Variants in ZNF732 observed in about 807,000 individuals in gnomAD.
ZNF732 encodes the protein zinc finger protein 732, also known as zinc finger protein LOC654254.
Under a neutral mutation model 11.5 loss-of-function variants are expected in ZNF732, and 12 were observed. The ratio of observed to expected loss-of-function variants is 1.05; its 90% CI spans 0.67 to 1.70. The LOEUF is 1.70. Ranked by LOEUF, ZNF732 falls within the 40% of genes most tolerant of loss-of-function variation. The pLI is 0.00. For missense variants in ZNF732, 702 were observed against 676.9 expected (o/e 1.04, Z -0.41); for synonymous variants, 231 against 236.5 (o/e 0.98, Z 0.21).
chr4:288,370 G>A (rs1719774717), intron 3 of ZNF732, among the ~76,000 whole-genome samples: 1 of 152,174 alleles, frequency 6.6e-6, no homozygotes, highest in Admixed American at 6.6e-5. Context: ...AAATTGTAAA[G>A]TTATAATTCT....
At chr4:277,557 C>A (rs1719523155) in intron 3 of ZNF732, among the ~76,000 whole-genome samples, 1 of 150,978 alleles carries the variant, frequency 6.6e-6, no homozygotes, top group South Asian at 2.1e-4. Context: ...ATCAAAACCA[C>A]AATATAAGAC....
At chr4:284,870 CAAA>C (rs1163209652) in intron 3 of ZNF732, among the ~76,000 whole-genome samples, 6 of 54,816 alleles carry the variant, frequency 1.1e-4, no homozygotes, top group East Asian at 5.1e-4. Flanking sequence ...GACTCTGTCT[CAAA>C]AAAAAAAAAA....
chr4:283,601 A>C (rs1359910595), intron 3 of ZNF732, among the ~76,000 whole-genome samples: 2 of 152,050 alleles, frequency 1.3e-5, no homozygotes, highest in African/African-American at 2.4e-5. Flanking sequence ...CCAATATTGG[A>C]GCACATAAAT....
chr4:281,539 T>C (rs1417716786), intron 3 of ZNF732, among the ~76,000 whole-genome samples: 3 of 152,188 alleles, frequency 2.0e-5, no homozygotes, highest in Admixed American at 2.0e-4. Flanking sequence ...GAAAGTTCAG[T>C]CTTCTCAGAA....
At chr4:295,221 A>G (rs1719921852) in intron 3 of ZNF732, among the ~76,000 whole-genome samples, 1 of 152,256 alleles carries the variant, frequency 6.6e-6, no homozygotes, top group Non-Finnish European at 1.5e-5. Flanking sequence ...CTCTCCCTGT[A>G]AACTTGAAGG....
At chr4:281,707 T>C (rs1415076810) in intron 3 of ZNF732, among the ~76,000 whole-genome samples, 1 of 152,170 alleles carries the variant, frequency 6.6e-6, no homozygotes, top group Non-Finnish European at 1.5e-5. Context: ...GAGAAGATAT[T>C]TACCTCCTCA....
intron 3 of ZNF732, among the ~76,000 whole-genome samples, chr4:273,623 T>G (rs1719434875): frequency 6.6e-6 from 1 of 151,832 alleles, no homozygotes; most frequent in South Asian, 2.1e-4. Context: ...ACAGAAATTT[T>G]CAAGTTAAAA....
In ZNF732 at chr4:271,412, G is replaced by C; in HGVS notation, c.1445C>G (p.Ala482Gly). 1 of 1,601,898 alleles carries C rather than the reference G, an allele frequency of 6.2e-7. No homozygotes were observed. The highest frequency in any genetic ancestry group is 8.5e-7 in the Non-Finnish European group (1 of 1,173,950). The change falls in exon 4 of 4, where the codon GCC becomes GGC. Residue 482 changes from alanine (A) to glycine (G), a missense_variant. Around this residue, in one of 3 missense-constraint regions of ZNF732, gnomAD observed 596 missense variants for 557.9 expected, o/e 1.07. Coordinates refer to ENST00000419098, the MANE Select transcript of ZNF732 (RefSeq NM_001137608.3). ...KPYRCEECGK[A>G]FLCSRALNKH... ...ATTCAGGGCTCTGGAACATAAAAAG[G>C]CTTTGCCACACTCTTCACATCTATA...
rs544696192 is a variant in ZNF732 at position 291,127 on chromosome 4, G to C, written c.226+4311C>G. Reference sequence around the variant, plus strand: ...AAAAGTAGTAAAAATGTTACTGTTTGTAGATAATATGATCATGCATATATA... The same window carrying C: ...AAAAGTAGTAAAAATGTTACTGTTTCTAGATAATATGATCATGCATATATA... On this transcript the variant is annotated intron_variant, in intron 3 of 3. Transcript: ENST00000419098. Among the ~76,000 whole-genome samples the C allele has an allele frequency of 3.3e-5, 5 of 152,172 alleles. No individual in the cohort carries two copies. In the East Asian group the frequency reaches 9.6e-4, roughly 29 times the overall value.
At chr4:289,153 A>G (rs776993276) in intron 3 of ZNF732, among the ~76,000 whole-genome samples, 4 of 152,230 alleles carry the variant, frequency 2.6e-5, no homozygotes, top group Non-Finnish European at 2.9e-5. Context: ...TGCTTTTAGA[A>G]AATGAGATCT....
intron 3 of ZNF732, among the ~76,000 whole-genome samples, chr4:276,899 T>C (rs1553838777): frequency 6.6e-6 from 1 of 151,360 alleles, no homozygotes; most frequent in African/African-American, 2.4e-5. Context: ...TCACACTACC[T>C]GACTCCAAAA....
intron 1 of ZNF732, among the ~76,000 whole-genome samples, chr4:296,710 A>G (rs570364299): frequency 2.0e-5 from 3 of 152,188 alleles, no homozygotes; most frequent in African/African-American, 7.2e-5. Context: ...TGCAGGTTTG[A>G]AAAGAGTTCA....
At chr4:303,465 A>C (rs937018875) in intron 1 of ZNF732, among the ~76,000 whole-genome samples, 2 of 152,144 alleles carry the variant, frequency 1.3e-5, no homozygotes, top group Non-Finnish European at 2.9e-5. Flanking sequence ...AAAATTAGAA[A>C]AATTAGCTGG....
rs1553837839 is a variant in ZNF732 at position 272,225 on chromosome 4, T to C, written c.632A>G (p.Asn211Ser). 1 of 1,612,404 alleles carries C rather than the reference T, an allele frequency of 6.2e-7. No individual in the cohort carries two copies. Among genetic ancestry groups the C allele is most frequent in the East Asian group, 2.2e-5 (1 of 44,802 alleles). Residue 211 changes from asparagine to serine, a missense_variant, in exon 4 of 4, where the codon AAT (asparagine) becomes AGT (serine). By Grantham distance (46) the Asn-to-Ser change is conservative (BLOSUM62 1). Transcript: ENST00000419098. ...GKDFKWYLIFNEYEIIHTGEK... is the reference protein window; with the variant it reads ...GKDFKWYLIFSEYEIIHTGEK... ...TCCAGTATGAATTATCTCATATTCATTAAAGATTAAATACCATTTAAAGTC... is the reference window on the plus strand; with the variant it reads ...TCCAGTATGAATTATCTCATATTCACTAAAGATTAAATACCATTTAAAGTC...
chr4:274,853 C>G (rs930748912), intron 3 of ZNF732, among the ~76,000 whole-genome samples: 39 of 151,582 alleles, frequency 2.6e-4, no homozygotes, highest in African/African-American at 8.5e-4. Flanking sequence ...ACAAACATGT[C>G]TATACATACG....
At chr4:279,668 T>C (rs1355740696) in intron 3 of ZNF732, among the ~76,000 whole-genome samples, 1 of 152,186 alleles carries the variant, frequency 6.6e-6, no homozygotes, top group Non-Finnish European at 1.5e-5. Context: ...CACTAGGCTG[T>C]ACACTTGAAA....
intron 1 of ZNF732, among the ~76,000 whole-genome samples, chr4:298,755 A>C (rs1405984571): frequency 6.6e-6 from 1 of 152,174 alleles, no homozygotes; most frequent in East Asian, 1.9e-4. Flanking sequence ...CCTGTCCCTG[A>C]TCAGCTAACT....
chr4:280,335 T>C (rs2108654309), intron 3 of ZNF732, among the ~76,000 whole-genome samples: 1 of 148,124 alleles, frequency 6.8e-6, no homozygotes, highest in Admixed American at 6.8e-5. Flanking sequence ...CTCACACCTG[T>C]AATCCCAGCA....
At chr4:277,404 T>G (rs1719520159) in intron 3 of ZNF732, among the ~76,000 whole-genome samples, 1 of 151,862 alleles carries the variant, frequency 6.6e-6, no homozygotes, top group South Asian at 2.1e-4. Context: ...AAAGATAAAT[T>G]TACAGTATAA....
Sources: allele counts gnomAD v4.1 joint callset (sites outside exome capture counted in the v4.1 genomes callset), GRCh38; gene constraint gnomAD v4.1.1; regional missense constraint gnomAD v4.1.1; transcripts MANE v1.5; gene names NCBI Gene and HGNC (gene_info 2026-07-23, HGNC 2026-07-21).